Variants in ZNF280D observed in about 807,000 individuals in gnomAD.
ZNF280D encodes zinc finger protein 280D.
A neutral mutation model predicts 94.7 loss-of-function variants in ZNF280D; 39 were observed. The ratio of observed to expected loss-of-function variants is 0.41; its 90% CI spans 0.32 to 0.54. The LOEUF (loss-of-function observed/expected upper bound fraction) is 0.54, where lower values mean the gene tolerates loss of function less well. ZNF280D is among the 20% of genes least tolerant of loss of function. The pLI is 0.22. For missense variants in ZNF280D, 1,090 were observed against 1,149.3 expected (o/e 0.95, Z 0.75); for synonymous variants, 398 against 377.6 (o/e 1.05, Z -0.63).
Position 56,707,088 on chromosome 15 carries a change from G to A in ZNF280D, c.22C>T (p.Pro8Ser). The A allele has an allele frequency of 6.2e-7, 1 of 1,613,832 alleles. No homozygotes were observed. The highest frequency in any genetic ancestry group is 2.2e-5 in the East Asian group (1 of 44,842). Residue 8 changes from proline (P) to serine (S), a missense_variant, in exon 3 of 22, where the codon CCA becomes TCA. Coordinates refer to ENST00000267807, the MANE Select transcript of ZNF280D (RefSeq NM_017661.4). MGDNPFQ[P>S]KSNSKMAELF... ...TTGTGGCAGCAACACTTACTTTTTG[G>A]TTGAAAAGGGTTGTCGCCCATCAAG...
intron 10 of ZNF280D, 136 bp from the exon 11 acceptor site, chr15:56,678,957 G>A: frequency 1.4e-6 from 1 of 740,262 alleles, no homozygotes; most frequent in Non-Finnish European, 2.0e-6. Context: ...AGTTGCCTAG[G>A]AAAGTATGCA....
At chr15:56,674,744 CTTGTT>C (rs1455624596) in intron 13 of ZNF280D, among the ~76,000 whole-genome samples, 2 of 151,406 alleles carry the variant, frequency 1.3e-5, no homozygotes, top group African/African-American at 4.9e-5. Flanking sequence ...ATGTTAACTG[CTTGTT>C]TTATTAAAGC....
intron 13 of ZNF280D, among the ~76,000 whole-genome samples, chr15:56,671,280 G>A (rs1231258772): frequency 2.0e-5 from 3 of 151,896 alleles, no homozygotes; most frequent in African/African-American, 7.3e-5. Context: ...TATTGCCTAG[G>A]TTTCTTCTAG....
intron 20 of ZNF280D, among the ~76,000 whole-genome samples, chr15:56,641,501 C>T (rs540390943): frequency 6.6e-6 from 1 of 152,004 alleles, no homozygotes; most frequent in East Asian, 1.9e-4. Flanking sequence ...TCTTGATGCC[C>T]ATAATGTAAC....
In ZNF280D at chr15:56,670,783, A is replaced by G. The variant is rs1214844947; in HGVS notation, c.1411-1826T>C. Among the ~76,000 whole-genome samples the G allele has an allele frequency of 2.0e-5, 3 of 151,660 alleles. No homozygotes were observed. The East Asian group carries it at 5.8e-4, about 29-fold the overall frequency. ...TGCCACACTCTCTTCCACAATGGTT[A>G]ATTTACACTCCCACCAACAGTATAA... On this transcript the variant is annotated intron_variant, in intron 13 of 21. Transcript: ENST00000267807.
At chr15:56,727,483 T>C (rs1310196572) in intron 1 of ZNF280D, among the ~76,000 whole-genome samples, 1 of 151,962 alleles carries the variant, frequency 6.6e-6, no homozygotes, top group African/African-American at 2.4e-5. Flanking sequence ...AGAAAAAAGA[T>C]AGAAATTAAT....
At chr15:56,713,339 TA>T (rs1401218036) in intron 1 of ZNF280D, among the ~76,000 whole-genome samples, 3 of 152,160 alleles carry the variant, frequency 2.0e-5, no homozygotes, top group Non-Finnish European at 4.4e-5. Context: ...GTTCTATCTA[TA>T]AAAAAACTAA....
At chr15:56,730,924 A>G (rs1410310786) in intron 1 of ZNF280D, among the ~76,000 whole-genome samples, 2 of 152,236 alleles carry the variant, frequency 1.3e-5, no homozygotes, top group African/African-American at 4.8e-5. Context: ...ATGGAAAGAT[A>G]GCTTGTCACC....
intron 9 of ZNF280D, among the ~76,000 whole-genome samples, chr15:56,683,758 T>C (rs2055805403): frequency 6.6e-6 from 1 of 152,138 alleles, no homozygotes; most frequent in African/African-American, 2.4e-5. Flanking sequence ...TTTCCTCTTT[T>C]CCTCCTGAGA....
At chr15:56,653,084 G>C in intron 19 of ZNF280D, 1 of 985,302 alleles carries the variant, frequency 1.0e-6, no homozygotes, top group Non-Finnish European at 1.2e-6. Context: ...CTGGTTAATA[G>C]ATTTTATATG....
chr15:56,634,266 T>G (rs773586063), intron 21 of ZNF280D: 17 of 141,762 alleles, frequency 1.2e-4, no homozygotes, highest in Non-Finnish European at 2.6e-4. Flanking sequence ...GGATCTTAAC[T>G]GGTCAATTAC....
At chr15:56,641,425 A>G (rs1214197219) in intron 20 of ZNF280D, among the ~76,000 whole-genome samples, 1 of 151,904 alleles carries the variant, frequency 6.6e-6, no homozygotes, top group African/African-American at 2.4e-5. Flanking sequence ...TTGTCATTTG[A>G]TATTATATCT....
chr15:56,650,759 A>AT (rs1363255620), intron 19 of ZNF280D, among the ~76,000 whole-genome samples: 2 of 152,168 alleles, frequency 1.3e-5, no homozygotes, highest in Non-Finnish European at 2.9e-5. Flanking sequence ...CTTTACTTCT[A>AT]TTTTGTTATA....
At chr15:56,720,226 C>A (rs1582651) in intron 1 of ZNF280D, among the ~76,000 whole-genome samples, 10 of 152,210 alleles carry the variant, frequency 6.6e-5, no homozygotes, top group African/African-American at 2.2e-4. Context: ...AAATCCTTTG[C>A]TGTCATTTCA....
chr15:56,702,176 T>A (rs2057121466), intron 4 of ZNF280D, among the ~76,000 whole-genome samples: 1 of 152,174 alleles, frequency 6.6e-6, no homozygotes, highest in African/African-American at 2.4e-5. Context: ...TGCAGTGCTC[T>A]GTAATTAAAC....
At chr15:56,689,528 C>T in intron 7 of ZNF280D, 58 bp from the exon 8 acceptor site, 1 of 1,065,682 alleles carries the variant, frequency 9.4e-7, no homozygotes, top group Non-Finnish European at 1.3e-6. Flanking sequence ...TTATTTACAT[C>T]TGAGTAAAAA....
At position 56,631,396 on chromosome 15, in the gene ZNF280D, A is replaced by G; in HGVS notation, c.*102T>C. On this transcript the variant is annotated 3_prime_UTR_variant, in exon 22 of 22. Coordinates refer to ENST00000267807, the MANE Select transcript of ZNF280D (RefSeq NM_017661.4). ...AAAGTGTATGTGTGACCTCCCTTACATATTTCCATTTCTGAACCTACAACA... is the reference window on the plus strand; with the variant it reads ...AAAGTGTATGTGTGACCTCCCTTACGTATTTCCATTTCTGAACCTACAACA... 4 of 1,261,916 alleles carry G rather than the reference A, an allele frequency of 3.2e-6. No individual in the cohort carries two copies. Among genetic ancestry groups the G allele is most frequent in the East Asian group, 2.3e-5 (1 of 42,810 alleles). 78.2% of individuals were successfully genotyped at this position (1,261,916 alleles called of 1,614,324 possible).
At chr15:56,719,227 G>A (rs1256721675) in intron 1 of ZNF280D, among the ~76,000 whole-genome samples, 2 of 152,130 alleles carry the variant, frequency 1.3e-5, no homozygotes, top group Admixed American at 1.3e-4. Context: ...GGTAATGAGA[G>A]GTGTTTGGGT....
chr15:56,693,965 G>C lies in ZNF280D; in HGVS notation c.382-750C>G, dbSNP rs141173852. On this transcript the variant is annotated intron_variant, in intron 6 of 21. Coordinates refer to ENST00000267807, the MANE Select transcript of ZNF280D (RefSeq NM_017661.4). ...ATATGAAAGCAAACCGGTCAGTAGA[G>C]TGAACAAATAAGAATGCCAGGCAGA... Among the ~76,000 whole-genome samples the C allele has an allele frequency of 2.0e-5, 3 of 152,244 alleles. No individual in the cohort carries two copies. In the East Asian group the frequency reaches 5.8e-4, roughly 29 times the overall value.
Sources: gnomAD v4.1 joint callset for allele counts (sites outside exome capture counted in the v4.1 genomes callset) on GRCh38, gnomAD v4.1.1 for gene constraint, MANE v1.5 for transcripts, NCBI Gene and HGNC (gene_info 2026-07-23, HGNC 2026-07-21) for gene names.